Variants in HOOK3 observed in about 807,000 individuals in gnomAD.
The protein encoded by HOOK3 is protein Hook homolog 3.
A neutral mutation model predicts 116.3 loss-of-function variants in HOOK3; 24 were observed. That is an observed-to-expected ratio of 0.21 (90% CI 0.15 to 0.29). The LOEUF (loss-of-function observed/expected upper bound fraction) is 0.29, where lower values mean the gene tolerates loss of function less well. Among genes scored for constraint, HOOK3 ranks in the 10% least tolerant of loss-of-function variants. The probability of loss-of-function intolerance (pLI) is 1.00; values close to 1 mark genes in which losing one functional copy is unlikely to be tolerated. For synonymous variants in HOOK3, 275 were observed against 283.0 expected, an observed-to-expected ratio of 0.97 and a Z score of 0.28; for missense variants, 632 against 830.2, an observed-to-expected ratio of 0.76 and a Z score of 2.93.
chr8:42,897,230 C>T lies in HOOK3; in HGVS notation c.57+42C>T, dbSNP rs964083982. 5.0e-6 allele frequency: 6 copies of T among 1,203,112 alleles called. No homozygotes were observed. The African/African-American group carries it at 7.9e-5, about 16-fold the overall frequency. The allele number at this position is 1,203,112 out of a possible 1,614,324, so 74.5% of individuals were successfully genotyped here. ...GGCCGGCGGGAAGACCCCCTCCCCC[C>T]GCCACCTACCGGGACCCTCCACGCG... On this transcript the variant is annotated intron_variant, in intron 1 of 21. Transcript: ENST00000307602.
chr8:42,944,061 A>G (rs1258115094), intron 5 of HOOK3, among the ~76,000 whole-genome samples: 1 of 152,226 alleles, frequency 6.6e-6, no homozygotes, highest in Admixed American at 6.5e-5. Flanking sequence ...AAAGGAAGGA[A>G]TAGTATTACA....
intron 9 of HOOK3, among the ~76,000 whole-genome samples, chr8:42,965,791 G>T (rs919669281): frequency 1.3e-5 from 2 of 151,272 alleles, no homozygotes; most frequent in Non-Finnish European, 2.9e-5. Context: ...CTTTTCTTAG[G>T]CTCCTTAGAA....
chr8:42,963,705 TATA>T (rs1483210213), intron 8 of HOOK3, among the ~76,000 whole-genome samples: 4 of 152,242 alleles, frequency 2.6e-5, no homozygotes, highest in South Asian at 4.1e-4. Context: ...AGTGTAGTTA[TATA>T]ATAATGTGAT....
In HOOK3 at chr8:42,897,003, A is replaced by G. The variant is rs1806990129; in HGVS notation, c.-129A>G. 3.5e-6 allele frequency: 2 copies of G among 570,592 alleles called. No homozygotes were observed. The highest frequency in any genetic ancestry group is 8.8e-5 in the Admixed American group (2 of 22,700). The allele number at this position is 570,592 out of a possible 1,614,324, so 35.3% of individuals were successfully genotyped here. On this transcript the variant is annotated 5_prime_UTR_variant, in exon 1 of 22. Transcript: ENST00000307602. ...GGAGCCGCTGCCAGCGCTGGGCGAG[A>G]GTCGGCGGCCGGATCCGAGGAGCAG...
rs568485713 is a variant in HOOK3 at position 42,943,232 on chromosome 8, A to G, written c.268-81A>G. On this transcript the variant is annotated intron_variant, in intron 4 of 21. Coordinates refer to ENST00000307602, the MANE Select transcript of HOOK3 (RefSeq NM_032410.4). Reference sequence around the variant, plus strand: ...CTGTCCTTGGCAATGAGTTTCTGGTAATAACAAACCTCGATCAAGTTTTTT... The same window carrying G: ...CTGTCCTTGGCAATGAGTTTCTGGTGATAACAAACCTCGATCAAGTTTTTT... The G allele has an allele frequency of 1.9e-3, 1,726 of 905,694 alleles. 7 individuals are homozygous for G. The highest frequency in any genetic ancestry group is 2.4e-3 in the Non-Finnish European group (1,565 of 647,138). The allele number at this position is 905,694 out of a possible 1,614,324, so 56.1% of individuals were successfully genotyped here. A position where few individuals can be genotyped will look rare whatever the true frequency, so the allele number is the denominator to read the frequency against.
intron 16 of HOOK3, 116 bp from the exon 17 acceptor site, chr8:43,001,991 A>G: frequency 1.5e-6 from 1 of 670,108 alleles, no homozygotes. Flanking sequence ...CTCTTTGACC[A>G]AACAAATTAC....
Position 43,019,000 on chromosome 8 carries a change from T to G in HOOK3, c.*502T>G, listed in dbSNP as rs926708753. On this transcript the variant is annotated 3_prime_UTR_variant, in exon 22 of 22. Transcript: ENST00000307602. ...TTTACTATACAAAATGGTTGACAAGTGTTCTTTTTGCAAAGACTTGAATAC... is the reference window on the plus strand; with the variant it reads ...TTTACTATACAAAATGGTTGACAAGGGTTCTTTTTGCAAAGACTTGAATAC... 4.8e-6 allele frequency: 1 copy of G among 208,826 alleles called. No homozygotes were observed. The highest frequency in any genetic ancestry group is 5.9e-5 in the Admixed American group (1 of 16,928). The allele number at this position is 208,826 out of a possible 1,614,324, so 12.9% of individuals were successfully genotyped here. A position where few individuals can be genotyped will look rare whatever the true frequency, so the allele number is the denominator to read the frequency against.
chr8:42,922,307 C>A (rs887657025), intron 2 of HOOK3, among the ~76,000 whole-genome samples: 1 of 151,476 alleles, frequency 6.6e-6, no homozygotes, highest in East Asian at 1.9e-4. Flanking sequence ...TTTGGGAGGC[C>A]AAGGCAGGAG....
intron 6 of HOOK3, among the ~76,000 whole-genome samples, chr8:42,952,168 A>G (rs2130399262): frequency 6.6e-6 from 1 of 152,302 alleles, no homozygotes; most frequent in South Asian, 2.1e-4. Flanking sequence ...CCAACTGCCT[A>G]CAAATTCAAG....
chr8:42,954,542 C>T (rs1201348317), intron 6 of HOOK3, among the ~76,000 whole-genome samples: 2 of 152,028 alleles, frequency 1.3e-5, no homozygotes, highest in African/African-American at 2.4e-5. Context: ...TATCTTAGGA[C>T]AGAAGGAAAA....
intron 21 of HOOK3, among the ~76,000 whole-genome samples, chr8:43,014,307 A>G (rs955356714): frequency 6.8e-6 from 1 of 147,644 alleles, no homozygotes; most frequent in Non-Finnish European, 1.5e-5. Context: ...AAAAAAAAAA[A>G]GTTGTCCAAG....
At chr8:42,977,401 C>T (rs1808849459) in intron 13 of HOOK3, among the ~76,000 whole-genome samples, 1 of 152,138 alleles carries the variant, frequency 6.6e-6, no homozygotes, top group Non-Finnish European at 1.5e-5. Context: ...GCTTGACTTC[C>T]TTCTCACTTT....
intron 13 of HOOK3, among the ~76,000 whole-genome samples, chr8:42,980,907 G>A (rs569747759): frequency 6.6e-5 from 10 of 151,862 alleles, no homozygotes; most frequent in Admixed American, 1.3e-4. Context: ...AGACCTGAGC[G>A]AACAAGTGAG....
Position 43,019,239 on chromosome 8 carries a change from A to G in HOOK3, c.*741A>G. On this transcript the variant is annotated 3_prime_UTR_variant, in exon 22 of 22. Coordinates refer to ENST00000307602, the MANE Select transcript of HOOK3 (RefSeq NM_032410.4). ...GTGAGGTTATTTTGGGATAAATTACAAAAGAAAAAAAATTAGACACTGCAT... is the reference window on the plus strand; with the variant it reads ...GTGAGGTTATTTTGGGATAAATTACGAAAGAAAAAAAATTAGACACTGCAT... 1 of 212,738 alleles carries G rather than the reference A, an allele frequency of 4.7e-6. No individual in the cohort carries two copies. Among genetic ancestry groups the G allele is most frequent in the East Asian group, 7.2e-5 (1 of 13,940 alleles). 13.2% of individuals were successfully genotyped at this position (212,738 alleles called of 1,614,324 possible).
In HOOK3 at chr8:43,028,921, G is replaced by GAA. The variant is rs59805615; in HGVS notation, c.*10424_*10425insAA. 0.041 allele frequency: 8,384 copies of GAA among 203,290 alleles called. 382 individuals carry two copies. Among genetic ancestry groups the GAA allele is most frequent in the African/African-American group, 0.12 (5,320 of 43,770 alleles). The allele number at this position is 203,290 out of a possible 1,614,324, so 12.6% of individuals were successfully genotyped here. On this transcript the variant is annotated 3_prime_UTR_variant, in exon 22 of 22. Coordinates refer to ENST00000307602, the MANE Select transcript of HOOK3 (RefSeq NM_032410.4). ...TGTCGAATTCCAAGCAAGTTATGAT[G>GAA]ATTCTTATTGTAGTTCAAGTACAGA...
chr8:42,911,988 G>A (rs1807439404), intron 2 of HOOK3, among the ~76,000 whole-genome samples: 1 of 152,222 alleles, frequency 6.6e-6, no homozygotes, highest in Non-Finnish European at 1.5e-5. Flanking sequence ...AATTGAAGCT[G>A]TAAGTGTGGA....
intron 2 of HOOK3, among the ~76,000 whole-genome samples, chr8:42,914,683 A>G (rs929161822): frequency 3.9e-5 from 6 of 152,230 alleles, no homozygotes; most frequent in Admixed American, 2.0e-4. Flanking sequence ...TATTTGTTTG[A>G]CAATACCACA....
chr8:42,964,499 G>C (rs765363055), intron 9 of HOOK3, 25 bp downstream of exon 9: 3 of 1,602,626 alleles, frequency 1.9e-6, no homozygotes, highest in Non-Finnish European at 1.7e-6. Context: ...ATTAAAATCT[G>C]ATTTTTAAAA....
chr8:42,939,774 C>G (rs1475204470), intron 4 of HOOK3, among the ~76,000 whole-genome samples: 26 of 148,026 alleles, frequency 1.8e-4, no homozygotes, highest in Admixed American at 4.7e-4. Context: ...GATGGGGCAG[C>G]TGCCGGGCAG....
Sources: allele counts gnomAD v4.1 joint callset (sites outside exome capture counted in the v4.1 genomes callset), GRCh38; gene constraint gnomAD v4.1.1; transcripts MANE v1.5; gene names NCBI Gene and HGNC (gene_info 2026-07-23, HGNC 2026-07-21).